The following LDHB variants were observed in gnomAD, a reference collection of about 807,000 sequenced individuals.
The protein encoded by LDHB is L-lactate dehydrogenase B chain.
LDHB carries 18 observed loss-of-function variants against 33.4 expected under a neutral mutation model. That is an observed-to-expected ratio of 0.54 (90% CI 0.37 to 0.80). The LOEUF is 0.80. Ranked by LOEUF, LDHB falls within the 30% of genes least tolerant of loss-of-function variation. The probability of loss-of-function intolerance (pLI) is 0.00; values close to 1 mark genes in which losing one functional copy is unlikely to be tolerated. For missense variants in LDHB, 345 were observed against 407.9 expected (o/e 0.85, Z 1.33); for synonymous variants, 121 against 140.6 (o/e 0.86, Z 0.98).
chr12:21,646,869 T>G (rs67155709), intron 3 of LDHB, 30 bp downstream of exon 3: 56,260 of 1,270,054 alleles, frequency 0.044, 1,505 homozygotes, highest in Middle Eastern at 0.079. Context: ...AAAAAAATAT[T>G]AGATCACTTT....
rs962977134 is a variant in LDHB, at chr12:21,654,731, A to G, written c.-6-54T>C. 3 of 1,434,010 alleles carry G rather than the reference A, an allele frequency of 2.1e-6. No individual in the cohort carries two copies. In the Middle Eastern group the frequency reaches 5.3e-4, roughly 252 times the overall value. The allele number at this position is 1,434,010 out of a possible 1,614,324, so 88.8% of individuals were successfully genotyped here. ...GTATATCTGCATATGAAATCCAAAT[A>G]GAAATCATCCTTAAAATGTTACTGT... On this transcript the variant is annotated intron_variant, in intron 1 of 7. Coordinates refer to ENST00000350669, the MANE Select transcript of LDHB (RefSeq NM_002300.8).
intron 2 of LDHB, among the ~76,000 whole-genome samples, chr12:21,653,847 C>T (rs1459592759): frequency 1.3e-5 from 2 of 152,102 alleles, no homozygotes; most frequent in Admixed American, 1.3e-4. Flanking sequence ...TTCCCACAAC[C>T]TCACAAAGCC....
intron 2 of LDHB, among the ~76,000 whole-genome samples, chr12:21,648,892 T>C (rs1025727450): frequency 6.6e-6 from 1 of 152,230 alleles, no homozygotes; most frequent in African/African-American, 2.4e-5. Context: ...ATTTTTGAAA[T>C]GATCATTCTG....
At position 21,653,828 on chromosome 12, in the gene LDHB, A is replaced by G. The variant is rs558720641; in HGVS notation, c.129+715T>C. Among the ~76,000 whole-genome samples the G allele has an allele frequency of 5.3e-5, 8 of 152,312 alleles. No homozygotes were observed. The South Asian group carries it at 1.0e-3, about 20-fold the overall frequency. ...CATTAGGTAAAAGTTTCAGGGGCAT[A>G]ACAGAATATTCCCACAACCTCACAA... On this transcript the variant is annotated intron_variant, in intron 2 of 7. Coordinates refer to ENST00000350669, the MANE Select transcript of LDHB (RefSeq NM_002300.8).
intron 3 of LDHB, among the ~76,000 whole-genome samples, chr12:21,644,871 C>A (rs1282334108): frequency 1.3e-5 from 2 of 152,026 alleles, no homozygotes; most frequent in Admixed American, 1.3e-4. Context: ...TCACACAGTA[C>A]CCAGAATGTT....
intron 2 of LDHB, among the ~76,000 whole-genome samples, chr12:21,653,057 A>G (rs111835991): frequency 6.6e-6 from 1 of 152,224 alleles, no homozygotes; most frequent in African/African-American, 2.4e-5. Context: ...TAAGGCAGCC[A>G]TCAGAAGAAA....
chr12:21,653,093 T>A (rs1442455125), intron 2 of LDHB, among the ~76,000 whole-genome samples: 1 of 152,036 alleles, frequency 6.6e-6, no homozygotes, highest in East Asian at 1.9e-4. Flanking sequence ...GTGAAATAAA[T>A]AAGAAAAGGG....
Position 21,646,682 on chromosome 12 carries a change from A to G in LDHB, c.247+217T>C, listed in dbSNP as rs542647727. On this transcript the variant is annotated intron_variant, in intron 3 of 7. Transcript: ENST00000350669. ...AGAGCTTTTTATAAAATGAGGAAAA[A>G]GAGGGAAACATTTTATAATTATATA... 4.6e-5 allele frequency among the ~76,000 whole-genome samples: 7 copies of G among 152,338 alleles called. No homozygotes were observed. In the East Asian group the frequency reaches 9.6e-4, roughly 21 times the overall value.
At chr12:21,647,103 T>C (rs1224870031) in intron 2 of LDHB, 87 bp from the exon 3 acceptor site, 24 of 772,520 alleles carry the variant, frequency 3.1e-5, no homozygotes, top group Admixed American at 1.4e-4. Context: ...ATCTTTAACA[T>C]GGCTAAGCAC....
In LDHB at chr12:21,638,340, C is replaced by T. The variant is rs760494247; in HGVS notation, c.713+13G>A. 4 of 1,345,974 alleles carry T rather than the reference C, an allele frequency of 3.0e-6. No homozygotes were observed. Among genetic ancestry groups the T allele is most frequent in the East Asian group, 2.3e-5 (1 of 43,518 alleles). The allele number at this position is 1,345,974 out of a possible 1,614,324, so 83.4% of individuals were successfully genotyped here. A position where few individuals can be genotyped will look rare whatever the true frequency, so the allele number is the denominator to read the frequency against. ...GAAATTAATCATCTAAAATCAAGTT[C>T]CCTTTCACTTACCTTTCAACCACCA... On this transcript the variant is annotated intron_variant, in intron 6 of 7. Transcript: ENST00000350669.
At chr12:21,654,133 C>G (rs1053306042) in intron 2 of LDHB, among the ~76,000 whole-genome samples, 1 of 152,088 alleles carries the variant, frequency 6.6e-6, no homozygotes, top group African/African-American at 2.4e-5. Context: ...AGAAAAATGT[C>G]AATGACACAA....
At chr12:21,640,455 TAC>T (rs1386341123) in intron 5 of LDHB, among the ~76,000 whole-genome samples, 2 of 145,294 alleles carry the variant, frequency 1.4e-5, no homozygotes, top group Middle Eastern at 3.2e-3. Flanking sequence ...AGTTTTATCA[TAC>T]AGTCTCTTAC....
chr12:21,655,829 A>G (rs1938829103), intron 1 of LDHB, among the ~76,000 whole-genome samples: 3 of 152,362 alleles, frequency 2.0e-5, no homozygotes, highest in South Asian at 4.1e-4. Flanking sequence ...TGTTTTCTAG[A>G]TAACTGAAAA....
intron 3 of LDHB, among the ~76,000 whole-genome samples, chr12:21,644,424 C>CAAAAAAAAAAAAAAAA (rs72491634): frequency 4.6e-4 from 7 of 15,262 alleles, no homozygotes; most frequent in East Asian, 2.6e-3. Context: ...AGGTAGACAT[C>CAAAAAAAAAAAAAAAA]AAAAAAAAAA....
chr12:21,635,647 T>A lies in LDHB; in HGVS notation c.900A>T (p.Gly300=). The A allele has an allele frequency of 1.2e-6, 2 of 1,613,698 alleles. No homozygotes were observed. Among genetic ancestry groups the A allele is most frequent in the Non-Finnish European group, 1.7e-6 (2 of 1,179,822 alleles). The change falls in exon 8 of 8, where the codon GGA becomes GGT. Residue 300 remains glycine, a synonymous_variant. Transcript: ENST00000350669. ...GCTTCTGGTTGATAACGCTGGTTAA[T>A]CCCCGGGCATTGAGGATACATGGAA... The part of the protein sequence containing the change: ...LSLPCILNAR[G]LTSVINQKLK...
chr12:21,654,484 A>T, intron 2 of LDHB, 59 bp downstream of exon 2: 26 of 1,548,876 alleles, frequency 1.7e-5, no homozygotes, highest in Non-Finnish European at 2.3e-5. Flanking sequence ...CAAGGTGCCC[A>T]AAGAAACTGT....
intron 2 of LDHB, among the ~76,000 whole-genome samples, chr12:21,647,767 G>A (rs1938565542): frequency 8.5e-6 from 1 of 116,978 alleles, no homozygotes; most frequent in East Asian, 2.7e-4. Flanking sequence ...TGCAGCCTCC[G>A]CCCACTGCAA....
chr12:21,644,995 T>A (rs1037747068), intron 3 of LDHB, among the ~76,000 whole-genome samples: 1 of 152,120 alleles, frequency 6.6e-6, no homozygotes, highest in Non-Finnish European at 1.5e-5. Flanking sequence ...TAGAAAGAAG[T>A]AGACATTAAG....
At chr12:21,656,983 C>G (rs1938866053) in intron 1 of LDHB, 1 of 148,632 alleles carries the variant, frequency 6.7e-6, no homozygotes, top group East Asian at 2.0e-4. Context: ...TCCCCAGGCC[C>G]TTACTGCAGC....
Sources: gnomAD v4.1 joint callset for allele counts (sites outside exome capture counted in the v4.1 genomes callset) on GRCh38, gnomAD v4.1.1 for gene constraint, MANE v1.5 for transcripts, NCBI Gene and HGNC (gene_info 2026-07-23, HGNC 2026-07-21) for gene names.